ARID1B: variants seen among roughly 807,000 people sequenced by gnomAD.
ARID1B encodes the protein AT-rich interaction domain 1B, also known as AT-rich interactive domain-containing protein 1B.
In ARID1B, 30 loss-of-function variants were observed where a neutral mutation model predicts 212.3. The observed-to-expected ratio is 0.14, with a 90% CI of 0.11 to 0.19. The LOEUF is 0.19. Ranked by LOEUF, ARID1B falls within the 10% of genes least tolerant of loss-of-function variation. ARID1B has a pLI of 1.00. For synonymous variants in ARID1B, 1,402 were observed against 1,301.7 expected (o/e 1.08, Z -1.66); for missense variants, 2,891 against 3,204.0 (o/e 0.90, Z 2.36).
chr6:157,119,067 T>C (rs1787525278), intron 6 of ARID1B, among the ~76,000 whole-genome samples: 2 of 152,212 alleles, frequency 1.3e-5, no homozygotes, highest in Admixed American at 1.3e-4. Context: ...CCGTTGTCTT[T>C]TTCCAAAGCC....
At chr6:156,885,104 A>G (rs1216809505) in intron 2 of ARID1B, among the ~76,000 whole-genome samples, 2 of 152,246 alleles carry the variant, frequency 1.3e-5, no homozygotes. Flanking sequence ...TTCTAATGGT[A>G]ATATAGCTAA....
At chr6:157,067,081 T>G (rs1201237522) in intron 4 of ARID1B, among the ~76,000 whole-genome samples, 1 of 152,124 alleles carries the variant, frequency 6.6e-6, no homozygotes, top group Non-Finnish European at 1.5e-5. Flanking sequence ...AAACAAGAAG[T>G]GCTATCATTT....
chr6:157,040,160 G>A (rs945642494), intron 4 of ARID1B, among the ~76,000 whole-genome samples: 46 of 152,202 alleles, frequency 3.0e-4, no homozygotes, highest in Admixed American at 7.2e-4. Flanking sequence ...GGATGGTCTC[G>A]ATCTCTTGAC....
At chr6:157,194,695 G>A (rs1056263418) in intron 15 of ARID1B, 5 of 152,082 alleles carry the variant, frequency 3.3e-5, no homozygotes, top group Non-Finnish European at 7.4e-5. Flanking sequence ...CCTTATTTTG[G>A]AGTGAATCAG....
At chr6:157,014,606 A>G (rs777546090) in intron 4 of ARID1B, among the ~76,000 whole-genome samples, 13 of 152,180 alleles carry the variant, frequency 8.5e-5, no homozygotes, top group Admixed American at 2.0e-4. Flanking sequence ...ATCTCACCCA[A>G]TACAGCTACT....
chr6:156,970,236 A>G (rs1444867730), intron 4 of ARID1B, among the ~76,000 whole-genome samples: 1 of 151,870 alleles, frequency 6.6e-6, no homozygotes, highest in African/African-American at 2.4e-5. Flanking sequence ...GCCCACCACC[A>G]TACCCGGCTA....
chr6:157,176,993 G>GATT lies in ARID1B; in HGVS notation c.3504+1991_3504+1993dup, dbSNP rs1792143328. Among the ~76,000 whole-genome samples the GATT allele has an allele frequency of 3.9e-5, 6 of 152,326 alleles. No homozygotes were observed. In the South Asian group the frequency reaches 6.2e-4, roughly 16 times the overall value. ...CACAATATTTTAATTCACTAGTTAA[G>GATT]ATTATCTCCATCCACTGTAGGAGAC... On this transcript the variant is annotated intron_variant, in intron 11 of 19. Coordinates refer to ENST00000636930, the MANE Select transcript of ARID1B (RefSeq NM_001374828.1).
intron 8 of ARID1B, among the ~76,000 whole-genome samples, chr6:157,161,757 A>G (rs1790959311): frequency 6.6e-6 from 1 of 152,188 alleles, no homozygotes; most frequent in Admixed American, 6.5e-5. Context: ...ACTGGTTCTG[A>G]TGACTCTTGG....
intron 2 of ARID1B, among the ~76,000 whole-genome samples, chr6:156,890,463 T>C (rs998588762): frequency 2.8e-4 from 42 of 152,256 alleles, no homozygotes; most frequent in Non-Finnish European, 1.5e-5. Flanking sequence ...TCCTATGATT[T>C]TTTTTAAATT....
chr6:157,004,859 G>GT (rs1312566555), intron 4 of ARID1B, among the ~76,000 whole-genome samples: 2 of 139,370 alleles, frequency 1.4e-5, no homozygotes, highest in Admixed American at 1.4e-4. Flanking sequence ...CTTTTCACAT[G>GT]TAGTGGCATT....
intron 9 of ARID1B, among the ~76,000 whole-genome samples, chr6:157,171,163 G>A (rs1248253414): frequency 6.6e-6 from 1 of 152,202 alleles, no homozygotes; most frequent in Non-Finnish European, 1.5e-5. Flanking sequence ...ATCCAGTGTG[G>A]AATAGCTGCC....
rs773537785 is a variant in ARID1B at position 157,203,598 on chromosome 6, A to C, written c.5264-268A>C. On this transcript the variant is annotated intron_variant, in intron 18 of 19. Transcript: ENST00000636930. This position sits in a 1 kb window ranked among gnomAD's most constrained non-coding sequence, Gnocchi z 4.4. ...AATAACCCGGCCATGAGAAAGGACC[A>C]TCTGTGCTCAACCACTCCACCTCCA... 40 of 422,038 alleles carry C rather than the reference A, an allele frequency of 9.5e-5. No homozygotes were observed. Among genetic ancestry groups the C allele is most frequent in the Non-Finnish European group, 1.5e-4 (35 of 228,254 alleles). 26.1% of individuals were successfully genotyped at this position (422,038 alleles called of 1,614,324 possible). A position where few individuals can be genotyped will look rare whatever the true frequency, so the allele number is the denominator to read the frequency against.
intron 4 of ARID1B, chr6:157,023,263 T>C (rs903985133): frequency 3.3e-5 from 5 of 152,242 alleles, no homozygotes; most frequent in African/African-American, 7.2e-5. Context: ...TAAACACTGA[T>C]TGGTTACTAT....
intron 4 of ARID1B, chr6:157,023,619 G>A (rs1780467126): frequency 6.6e-6 from 1 of 152,086 alleles, no homozygotes; most frequent in Non-Finnish European, 1.5e-5. Flanking sequence ...ATCTAAGTGT[G>A]GTTTGCAGTC....
intron 4 of ARID1B, among the ~76,000 whole-genome samples, chr6:157,053,393 C>G (rs1006886533): frequency 5.3e-5 from 8 of 152,124 alleles, no homozygotes; most frequent in African/African-American, 1.7e-4. Context: ...GCCTATCATG[C>G]AGAATTTAAG....
At chr6:157,066,099 T>G (rs185241309) in intron 4 of ARID1B, among the ~76,000 whole-genome samples, 158 of 152,234 alleles carry the variant, frequency 1.0e-3, no homozygotes, top group African/African-American at 3.4e-3. Flanking sequence ...TTGTTTAGTC[T>G]CCCCACAGAA....
At chr6:156,913,714 A>G (rs1212090177) in intron 3 of ARID1B, among the ~76,000 whole-genome samples, 2 of 117,032 alleles carry the variant, frequency 1.7e-5, no homozygotes, top group Admixed American at 9.1e-5. Flanking sequence ...CCCGTGAGCC[A>G]CCATCCTACT....
At chr6:157,071,597 G>A (rs1784008038) in intron 4 of ARID1B, 1 of 152,202 alleles carries the variant, frequency 6.6e-6, no homozygotes, top group Non-Finnish European at 1.5e-5. Context: ...GTTATTCCGG[G>A]CACAGGCGCT....
intron 2 of ARID1B, among the ~76,000 whole-genome samples, chr6:156,859,127 T>G (rs796343539): frequency 1.3e-5 from 2 of 152,322 alleles, no homozygotes; most frequent in African/African-American, 4.8e-5. Context: ...TCTTTTTTAT[T>G]TTTTGAGACA....
Sources: allele counts gnomAD v4.1 joint callset (sites outside exome capture counted in the v4.1 genomes callset), GRCh38; gene constraint gnomAD v4.1.1; non-coding constraint Gnocchi (gnomAD v3.1); transcripts MANE v1.5; gene names NCBI Gene and HGNC (gene_info 2026-07-23, HGNC 2026-07-21).